Variants in STK33 observed in about 807,000 individuals in gnomAD.
STK33 encodes serine/threonine-protein kinase 33.
STK33 carries 52 observed loss-of-function variants against 58.0 expected under a neutral mutation model. That is an observed-to-expected ratio of 0.90 (90% CI 0.72 to 1.13). The LOEUF is 1.13. Ranked by LOEUF, STK33 falls within the 50% of genes most tolerant of loss-of-function variation. STK33 has a pLI of 0.00. For synonymous variants in STK33, 215 were observed against 200.1 expected (o/e 1.07, Z -0.63); for missense variants, 630 against 604.2 (o/e 1.04, Z -0.45).
chr11:8,405,520 T>TA, intron 15 of STK33, among the ~76,000 whole-genome samples: 1 of 144,726 alleles, frequency 6.9e-6, no homozygotes, highest in Non-Finnish European at 1.5e-5. Context: ...TCCCTGTCTG[T>TA]GGCTTATTTT....
chr11:8,590,160 T>C (rs546541517), intron 1 of STK33, among the ~76,000 whole-genome samples: 3 of 152,192 alleles, frequency 2.0e-5, no homozygotes, highest in Non-Finnish European at 4.4e-5. Context: ...ATCTCAACCT[T>C]GGAGACTGCA....
chr11:8,458,556 A>G (rs1360180243), intron 8 of STK33, among the ~76,000 whole-genome samples: 1 of 152,182 alleles, frequency 6.6e-6, no homozygotes. Flanking sequence ...TAAAAATACC[A>G]ACAAGAAAGA....
At chr11:8,518,334 G>A (rs1373163014) in intron 1 of STK33, among the ~76,000 whole-genome samples, 7 of 152,230 alleles carry the variant, frequency 4.6e-5, no homozygotes, top group South Asian at 2.1e-4. Flanking sequence ...AAGAGCTCCC[G>A]AAGGAAGTAC....
intron 1 of STK33, among the ~76,000 whole-genome samples, chr11:8,482,855 G>A (rs894653130): frequency 1.8e-4 from 27 of 151,774 alleles, no homozygotes; most frequent in African/African-American, 5.1e-4. Flanking sequence ...TCAGCCTCCC[G>A]AGTAGCTGGG....
intron 1 of STK33, among the ~76,000 whole-genome samples, chr11:8,496,621 C>A (rs1001458663): frequency 3.3e-5 from 5 of 151,246 alleles, no homozygotes; most frequent in African/African-American, 9.7e-5. Flanking sequence ...GTCACCCAGG[C>A]TGGAGTGCAG....
intron 12 of STK33, among the ~76,000 whole-genome samples, chr11:8,439,883 AT>A (rs1355481195): frequency 7.0e-6 from 1 of 142,630 alleles, no homozygotes; most frequent in Admixed American, 7.1e-5. Context: ...ATATATATAT[AT>A]ATCAGAGGCT....
chr11:8,534,521 A>G (rs1954808854), intron 1 of STK33, among the ~76,000 whole-genome samples: 1 of 146,668 alleles, frequency 6.8e-6, no homozygotes, highest in Non-Finnish European at 1.5e-5. Context: ...TGTTCCAGCA[A>G]GTATATATAT....
intron 1 of STK33, among the ~76,000 whole-genome samples, chr11:8,592,275 G>A (rs1208008628): frequency 6.6e-6 from 1 of 151,984 alleles, no homozygotes; most frequent in African/African-American, 2.4e-5. Flanking sequence ...CCTGGGCTGG[G>A]GAAGATAAAA....
intron 1 of STK33, among the ~76,000 whole-genome samples, chr11:8,522,287 A>G (rs1333941925): frequency 2.0e-5 from 3 of 152,216 alleles, no homozygotes; most frequent in African/African-American, 4.8e-5. Context: ...ATGGAATACT[A>G]TGCAGCCATA....
chr11:8,444,919 C>G (rs745460907), intron 11 of STK33, among the ~76,000 whole-genome samples: 1 of 151,994 alleles, frequency 6.6e-6, no homozygotes, highest in African/African-American at 2.4e-5. Context: ...TTTTCCAATT[C>G]TGTGAAGAAA....
At chr11:8,541,053 C>G (rs1425709616) in intron 1 of STK33, among the ~76,000 whole-genome samples, 1 of 150,870 alleles carries the variant, frequency 6.6e-6, no homozygotes, top group Non-Finnish European at 1.5e-5. Context: ...ATACATAACA[C>G]ATTTTTTTAA....
intron 8 of STK33, among the ~76,000 whole-genome samples, chr11:8,460,019 T>G (rs1947328678): frequency 1.3e-5 from 2 of 152,154 alleles, no homozygotes; most frequent in South Asian, 4.2e-4. Flanking sequence ...CAGGAAAAAA[T>G]TAGTCCTAAA....
chr11:8,363,532 G>A, the STK33 span, among the ~76,000 whole-genome samples: 10,348 of 152,084 alleles, frequency 0.068, 484 homozygotes, highest in Middle Eastern at 0.11. Flanking sequence ...TGAACTTCGT[G>A]TGACTGGAAT....
At chr11:8,588,966 G>A (rs568844286) in intron 1 of STK33, among the ~76,000 whole-genome samples, 68 of 152,200 alleles carry the variant, frequency 4.5e-4, no homozygotes, top group African/African-American at 1.5e-3. Flanking sequence ...AAACCATAAT[G>A]AGATACCACT....
chr11:8,395,177 C>A (rs1170780431), intron 15 of STK33, among the ~76,000 whole-genome samples: 1 of 152,122 alleles, frequency 6.6e-6, no homozygotes, highest in East Asian at 1.9e-4. Context: ...GTGTCCCCAC[C>A]CAAGTCTTAT....
chr11:8,470,150 T>C (rs1006979947), intron 6 of STK33, among the ~76,000 whole-genome samples: 7 of 152,252 alleles, frequency 4.6e-5, no homozygotes, highest in Non-Finnish European at 8.8e-5. Flanking sequence ...TTAGTTAGCA[T>C]CTTCTAAGGC....
At chr11:8,517,626 A>C (rs1466944817) in intron 1 of STK33, among the ~76,000 whole-genome samples, 1 of 152,240 alleles carries the variant, frequency 6.6e-6, no homozygotes, top group Non-Finnish European at 1.5e-5. Context: ...TAGAATAAAC[A>C]GTGCAGAGAA....
intron 11 of STK33, among the ~76,000 whole-genome samples, chr11:8,450,885 C>T (rs966299334): frequency 3.3e-5 from 5 of 152,128 alleles, no homozygotes; most frequent in African/African-American, 1.2e-4. Flanking sequence ...TCAATAGGTA[C>T]AGATTTAAAT....
intron 1 of STK33, among the ~76,000 whole-genome samples, chr11:8,518,776 C>G (rs1054813112): frequency 7.9e-5 from 12 of 152,174 alleles, no homozygotes; most frequent in Non-Finnish European, 1.6e-4. Flanking sequence ...GAGATCAATT[C>G]AAAAAGAAGA....
Sources: allele counts gnomAD v4.1 joint callset (sites outside exome capture counted in the v4.1 genomes callset), GRCh38; gene constraint gnomAD v4.1.1; transcripts MANE v1.5; gene names NCBI Gene and HGNC (gene_info 2026-07-23, HGNC 2026-07-21).